The following DENND4C variants were observed in gnomAD, a reference collection of about 807,000 sequenced individuals.
DENND4C encodes the protein DENN domain containing 4C.
In DENND4C, 108 loss-of-function variants were observed where a neutral mutation model predicts 203.0. That is an observed-to-expected ratio of 0.53 (90% CI 0.46 to 0.62). The LOEUF (loss-of-function observed/expected upper bound fraction) is 0.62. Ranked by LOEUF, DENND4C falls within the 20% of genes least tolerant of loss-of-function variation. The probability of loss-of-function intolerance (pLI) is 0.00; values close to 1 mark genes in which losing one functional copy is unlikely to be tolerated. For missense variants in DENND4C, 2,481 were observed against 2,301.2 expected, an observed-to-expected ratio of 1.08 and a Z score of -1.60; for synonymous variants, 871 against 792.4, an observed-to-expected ratio of 1.10 and a Z score of -1.67.
chr9:19,269,792 C>G (rs1397425956), intron 1 of DENND4C, among the ~76,000 whole-genome samples: 1 of 152,098 alleles, frequency 6.6e-6, no homozygotes, highest in Admixed American at 6.6e-5. Context: ...TCATGTTTTC[C>G]TGTATGGTCT....
intron 26 of DENND4C, among the ~76,000 whole-genome samples, chr9:19,356,452 A>C (rs1010073920): frequency 2.6e-5 from 4 of 152,098 alleles, no homozygotes; most frequent in African/African-American, 7.2e-5. Context: ...TCCCTCCTCA[A>C]GTCCCACCCA....
intron 16 of DENND4C, among the ~76,000 whole-genome samples, chr9:19,331,228 G>C (rs1363492334): frequency 6.7e-6 from 1 of 149,452 alleles, no homozygotes; most frequent in Non-Finnish European, 1.5e-5. Flanking sequence ...TTTTGAGATG[G>C]AGTATCGCTC....
chr9:19,357,678 A>G, intron 27 of DENND4C: 1 of 278,116 alleles, frequency 3.6e-6, no homozygotes, highest in Non-Finnish European at 6.7e-6. Context: ...AAGATGAAAT[A>G]ATATTTGAGT....
intron 15 of DENND4C, among the ~76,000 whole-genome samples, chr9:19,327,662 T>C (rs1378376156): frequency 6.6e-6 from 1 of 151,954 alleles, no homozygotes; most frequent in Non-Finnish European, 1.5e-5. Context: ...TAAATACCTA[T>C]GCAAGGTAAT....
At chr9:19,234,668 T>C (rs985474479) in intron 1 of DENND4C, among the ~76,000 whole-genome samples, 1 of 151,358 alleles carries the variant, frequency 6.6e-6, no homozygotes, top group Admixed American at 6.6e-5. Context: ...GCTGGGACTA[T>C]AGGTGCGCGT....
intron 1 of DENND4C, among the ~76,000 whole-genome samples, chr9:19,266,597 C>T (rs1406987017): frequency 6.6e-6 from 1 of 152,088 alleles, no homozygotes; most frequent in Non-Finnish European, 1.5e-5. Context: ...CTACAGTAAC[C>T]AAAACAGCAT....
intron 31 of DENND4C, among the ~76,000 whole-genome samples, chr9:19,371,153 TAA>T (rs1828764445): frequency 6.6e-6 from 1 of 152,226 alleles, no homozygotes; most frequent in African/African-American, 2.4e-5. Context: ...GTGCATTTCT[TAA>T]GTTTTCCTGT....
chr9:19,350,386 A>T (rs1038011868), intron 23 of DENND4C, among the ~76,000 whole-genome samples: 2 of 152,148 alleles, frequency 1.3e-5, no homozygotes, highest in Non-Finnish European at 2.9e-5. Flanking sequence ...TTGTACTGGG[A>T]TTCCTGATTC....
intron 26 of DENND4C, among the ~76,000 whole-genome samples, chr9:19,355,733 C>T (rs1825246670): frequency 1.3e-5 from 2 of 151,868 alleles, no homozygotes; most frequent in Non-Finnish European, 2.9e-5. Flanking sequence ...TTTTTGTATG[C>T]TTGCTCTTTC....
chr9:19,244,152 T>A (rs1386266122), intron 1 of DENND4C, among the ~76,000 whole-genome samples: 2 of 152,134 alleles, frequency 1.3e-5, no homozygotes, highest in African/African-American at 4.8e-5. Context: ...TGCCTCAGCC[T>A]CCTGAGTAGC....
At chr9:19,352,029 G>T (rs1824260895) in intron 24 of DENND4C, 44 bp from the exon 25 acceptor site, 1 of 1,537,868 alleles carries the variant, frequency 6.5e-7, no homozygotes, top group Non-Finnish European at 9.0e-7. Flanking sequence ...CAAAAAACAA[G>T]GACATTCCTT....
chr9:19,262,556 C>A (rs1442256991), intron 1 of DENND4C, among the ~76,000 whole-genome samples: 1 of 151,688 alleles, frequency 6.6e-6, no homozygotes, highest in East Asian at 1.9e-4. Flanking sequence ...TTCAGCCTCC[C>A]AAGTAGCTGG....
At chr9:19,342,123 TC>T (rs1218391195) in intron 21 of DENND4C, among the ~76,000 whole-genome samples, 9 of 67,934 alleles carry the variant, frequency 1.3e-4, no homozygotes, top group African/African-American at 6.1e-4. Flanking sequence ...AGACTCCATC[TC>T]AAAAAAAAAA....
chr9:19,274,388 C>T (rs1417019172), intron 1 of DENND4C, among the ~76,000 whole-genome samples: 3 of 151,940 alleles, frequency 2.0e-5, no homozygotes, highest in Admixed American at 6.6e-5. Flanking sequence ...CTCCGCCTAC[C>T]GGGTTCAAGC....
intron 30 of DENND4C, among the ~76,000 whole-genome samples, chr9:19,368,244 A>G (rs1828086155): frequency 6.7e-6 from 1 of 149,014 alleles, no homozygotes; most frequent in African/African-American, 2.5e-5. Context: ...TTATCATAAC[A>G]GAGGACTTTG....
intron 1 of DENND4C, among the ~76,000 whole-genome samples, chr9:19,252,539 AC>A (rs1257028700): frequency 6.6e-6 from 1 of 152,132 alleles, no homozygotes; most frequent in Non-Finnish European, 1.5e-5. Context: ...CTATAATGGC[AC>A]CACTCTACTC....
rs753504807 is a variant in DENND4C at position 19,346,408 on chromosome 9, C to T, written c.3639C>T (p.Asn1213=). 6 of 1,614,084 alleles carry T rather than the reference C, an allele frequency of 3.7e-6. No individual in the cohort carries two copies. Among genetic ancestry groups the T allele is most frequent in the Non-Finnish European group, 4.2e-6 (5 of 1,180,016 alleles). ...ATGAGAGTCTACTAAGTGATAGTAACAGTAATCAGTCCAGAGACTTGAAAA... is the reference window on the plus strand; with the variant it reads ...ATGAGAGTCTACTAAGTGATAGTAATAGTAATCAGTCCAGAGACTTGAAAA... ...DTYESLLSDS[N]SNQSRDLKTV... is the part of the protein sequence containing the mutation. Residue 1213 remains asparagine (N), a synonymous_variant, in exon 23 of 33, where the codon AAC becomes AAT. Coordinates refer to ENST00000434457, the MANE Select transcript of DENND4C (RefSeq NM_001330640.2).
At chr9:19,263,806 C>T (rs910981489) in intron 1 of DENND4C, among the ~76,000 whole-genome samples, 1 of 152,026 alleles carries the variant, frequency 6.6e-6, no homozygotes, top group African/African-American at 2.4e-5. Flanking sequence ...CAGGCGCCCA[C>T]CACCACGCCC....
Position 19,316,633 on chromosome 9 carries a change from C to A in DENND4C, c.1601C>A (p.Thr534Asn), listed in dbSNP as rs772317272. 2 of 1,613,276 alleles carry A rather than the reference C, an allele frequency of 1.2e-6. No individual in the cohort carries two copies. The highest frequency in any genetic ancestry group is 1.7e-6 in the Non-Finnish European group (2 of 1,179,760). The change falls in exon 12 of 33, where the codon ACT becomes AAT. Residue 534 changes from threonine (T) to asparagine (N), a missense_variant. Thr to Asn is a moderately conservative substitution (Grantham distance 65). Transcript: ENST00000434457. ...YPQLSSVHQK[T>N]QEGSAIDMTP... ...TTTCCTTTGTTAGTTCACCAAAAAACTCAAGAAGGCTCAGCGATTGACATG... is the reference window on the plus strand; with the variant it reads ...TTTCCTTTGTTAGTTCACCAAAAAAATCAAGAAGGCTCAGCGATTGACATG...
Sources: gnomAD v4.1 joint callset for allele counts (sites outside exome capture counted in the v4.1 genomes callset) on GRCh38, gnomAD v4.1.1 for gene constraint, MANE v1.5 for transcripts, NCBI Gene and HGNC (gene_info 2026-07-23, HGNC 2026-07-21) for gene names.